The following CORO1C variants were observed in gnomAD, a reference collection of about 807,000 sequenced individuals.
CORO1C encodes the protein coronin-1C.
CORO1C carries 14 observed loss-of-function variants against 51.2 expected under a neutral mutation model. The observed-to-expected ratio is 0.27, with a 90% CI of 0.18 to 0.43. The LOEUF is 0.43. Among genes scored for constraint, CORO1C ranks in the 20% least tolerant of loss-of-function variants. The pLI is 1.00. For missense variants in CORO1C, 417 were observed against 607.8 expected (o/e 0.69, Z 3.30); for synonymous variants, 181 against 210.5 (o/e 0.86, Z 1.21).
At chr12:108,715,950 G>A (rs2035321523) in intron 1 of CORO1C, among the ~76,000 whole-genome samples, 1 of 151,580 alleles carries the variant, frequency 6.6e-6, no homozygotes, top group Non-Finnish European at 1.5e-5. Flanking sequence ...GGCTAACACG[G>A]TGAAACCCCG....
chr12:108,685,845 A>G (rs894388609), intron 2 of CORO1C, among the ~76,000 whole-genome samples: 1 of 152,186 alleles, frequency 6.6e-6, no homozygotes, highest in Non-Finnish European at 1.5e-5. Flanking sequence ...ATGGGGGTAG[A>G]TGGCATTTTA....
At chr12:108,694,745 G>A (rs1182097489) in intron 2 of CORO1C, among the ~76,000 whole-genome samples, 1 of 152,026 alleles carries the variant, frequency 6.6e-6, no homozygotes, top group Non-Finnish European at 1.5e-5. Flanking sequence ...TATTCACTTA[G>A]GACTTAAGAA....
At chr12:108,678,146 A>T in intron 3 of CORO1C, 126 bp downstream of exon 3, 1 of 700,720 alleles carries the variant, frequency 1.4e-6, no homozygotes, top group Non-Finnish European at 2.2e-6. Context: ...TCCAACAGAC[A>T]GTCAAAACTG....
chr12:108,712,806 G>A (rs1007527787), intron 1 of CORO1C, among the ~76,000 whole-genome samples: 1 of 150,928 alleles, frequency 6.6e-6, no homozygotes, highest in Non-Finnish European at 1.5e-5. Context: ...ACATAATGAG[G>A]CACTGTCTCT....
chr12:108,679,478 G>GA (rs2034048016), intron 2 of CORO1C, among the ~76,000 whole-genome samples: 1 of 152,222 alleles, frequency 6.6e-6, no homozygotes, highest in Non-Finnish European at 1.5e-5. Flanking sequence ...ATGGGTATAT[G>GA]AAAGTGGTTT....
At chr12:108,712,042 G>A (rs369653446) in intron 1 of CORO1C, among the ~76,000 whole-genome samples, 67 of 152,228 alleles carry the variant, frequency 4.4e-4, no homozygotes, top group African/African-American at 1.4e-3. Flanking sequence ...TTACTCAAGC[G>A]TTCAGTGGGC....
intron 3 of CORO1C, among the ~76,000 whole-genome samples, chr12:108,665,797 C>T (rs558387027): frequency 4.6e-5 from 7 of 152,168 alleles, no homozygotes; most frequent in African/African-American, 1.7e-4. Flanking sequence ...TGGGCTCTGG[C>T]CAGACTGATG....
chr12:108,716,333 C>T (rs1038083217), intron 1 of CORO1C, among the ~76,000 whole-genome samples: 1 of 151,802 alleles, frequency 6.6e-6, no homozygotes, highest in Non-Finnish European at 1.5e-5. Flanking sequence ...TACTGTTATA[C>T]CAGGAAATGA....
intron 2 of CORO1C, among the ~76,000 whole-genome samples, chr12:108,689,882 ACACATGTGCT>A (rs2136849277): frequency 6.6e-6 from 1 of 152,342 alleles, no homozygotes; most frequent in African/African-American, 2.4e-5. Context: ...ATGTTAAGTC[ACACATGTGCT>A]CAGAAGTAGA....
intron 1 of CORO1C, among the ~76,000 whole-genome samples, chr12:108,705,469 A>AAAAAC: frequency 6.6e-6 from 1 of 150,590 alleles, no homozygotes. Flanking sequence ...CAAAAAAAAA[A>AAAAAC]AAAAAAAAAA....
chr12:108,653,697 T>C (rs1286076074), intron 7 of CORO1C, among the ~76,000 whole-genome samples: 1 of 152,158 alleles, frequency 6.6e-6, no homozygotes, highest in Admixed American at 6.5e-5. Flanking sequence ...GTGTGGAGTC[T>C]CCCTATAACT....
intron 2 of CORO1C, among the ~76,000 whole-genome samples, chr12:108,693,078 T>A (rs12579105): frequency 7.9e-5 from 12 of 151,878 alleles, no homozygotes; most frequent in South Asian, 6.2e-4. Flanking sequence ...AATTACAAGC[T>A]TGAGCCACCG....
intron 2 of CORO1C, among the ~76,000 whole-genome samples, chr12:108,698,492 C>T (rs551663960): frequency 3.9e-5 from 6 of 152,316 alleles, no homozygotes; most frequent in South Asian, 2.1e-4. Flanking sequence ...ACTGCAACTC[C>T]GCCTCCCGGG....
chr12:108,724,027 C>A (rs531239458), intron 1 of CORO1C, among the ~76,000 whole-genome samples: 27 of 152,178 alleles, frequency 1.8e-4, no homozygotes, highest in African/African-American at 6.5e-4. Flanking sequence ...TCAAGTTTAC[C>A]AAAGGTTTAT....
intron 10 of CORO1C, among the ~76,000 whole-genome samples, chr12:108,647,841 C>T (rs1403287785): frequency 6.6e-6 from 1 of 152,208 alleles, no homozygotes; most frequent in Non-Finnish European, 1.5e-5. Flanking sequence ...AAACAGGCTC[C>T]TTCAACAGTG....
chr12:108,717,785 A>G (rs1218637227), intron 1 of CORO1C, among the ~76,000 whole-genome samples: 1 of 152,236 alleles, frequency 6.6e-6, no homozygotes, highest in Non-Finnish European at 1.5e-5. Context: ...AAACCATGGG[A>G]AAAATACTTT....
intron 2 of CORO1C, among the ~76,000 whole-genome samples, chr12:108,687,443 C>T (rs1025583674): frequency 5.9e-5 from 9 of 151,846 alleles, no homozygotes; most frequent in South Asian, 2.1e-4. Flanking sequence ...ACTATGATCG[C>T]GCCACTGCAC....
intron 1 of CORO1C, among the ~76,000 whole-genome samples, chr12:108,708,088 A>C (rs1215629825): frequency 6.6e-6 from 1 of 152,184 alleles, no homozygotes; most frequent in Non-Finnish European, 1.5e-5. Flanking sequence ...AAACAATTAA[A>C]CAAAGCATTA....
chr12:108,730,257 GC>G (rs1310432739), intron 1 of CORO1C: 1 of 152,198 alleles, frequency 6.6e-6, no homozygotes, highest in African/African-American at 2.4e-5. Flanking sequence ...CTACATTACG[GC>G]CAAATATAGG....
Sources: allele counts gnomAD v4.1 joint callset (sites outside exome capture counted in the v4.1 genomes callset), GRCh38; gene constraint gnomAD v4.1.1; transcripts MANE v1.5; gene names NCBI Gene and HGNC (gene_info 2026-07-23, HGNC 2026-07-21).